The following FBRSL1 variants were observed in gnomAD, a reference collection of about 807,000 sequenced individuals.
The protein encoded by FBRSL1 is fibrosin-1-like protein.
Under a neutral mutation model 89.6 loss-of-function variants are expected in FBRSL1, and 51 were observed. The ratio of observed to expected loss-of-function variants is 0.57; its 90% CI spans 0.45 to 0.72. The LOEUF (loss-of-function observed/expected upper bound fraction) is 0.72. FBRSL1 is among the 30% of genes least tolerant of loss of function. FBRSL1 has a pLI of 0.00. For missense variants in FBRSL1, 1,618 were observed against 1,451.8 expected, an observed-to-expected ratio of 1.11 and a Z score of -1.86; for synonymous variants, 779 against 681.1, an observed-to-expected ratio of 1.14 and a Z score of -2.24.
rs569229245 is a variant in FBRSL1, at chr12:132,536,202, TAGTG to T, written c.615+8215_615+8218del. On this transcript the variant is annotated intron_variant, in intron 4 of 18. Coordinates refer to ENST00000680143, the MANE Select transcript of FBRSL1 (RefSeq NM_001367871.1). ...GGTGTGTGAGTGCACATGTACATGATAGTGTGTGTGAGTGCACGTGTAAAATGGT... is the reference window on the plus strand; with the variant it reads ...GGTGTGTGAGTGCACATGTACATGATTGTGTGAGTGCACGTGTAAAATGGT... Among the ~76,000 whole-genome samples, 325 of 145,296 alleles carry T rather than the reference TAGTG, an allele frequency of 2.2e-3. 3 individuals are homozygous for T. The highest frequency in any genetic ancestry group is 1.3e-3 in the East Asian group (6 of 4,706).
chr12:132,554,068 T>C (rs1161185279), intron 5 of FBRSL1: 1 of 152,260 alleles, frequency 6.6e-6, no homozygotes, highest in Non-Finnish European at 1.5e-5. Flanking sequence ...TAGGATGCAC[T>C]GGAAGCCCAG....
At chr12:132,545,104 G>T (rs1334062023) in intron 4 of FBRSL1, among the ~76,000 whole-genome samples, 1 of 152,098 alleles carries the variant, frequency 6.6e-6, no homozygotes, top group Non-Finnish European at 1.5e-5. Flanking sequence ...GCCTCGCCCA[G>T]TGTGGGGCAG....
chr12:132,526,969 TG>T (rs1388729276), intron 3 of FBRSL1, among the ~76,000 whole-genome samples: 5 of 152,066 alleles, frequency 3.3e-5, no homozygotes, highest in South Asian at 2.1e-4. Context: ...TCCAAGGGTG[TG>T]GGGGACCTCA....
intron 5 of FBRSL1, chr12:132,559,993 C>T (rs1345815649): frequency 1.4e-5 from 2 of 147,846 alleles, no homozygotes; most frequent in Non-Finnish European, 3.0e-5. Flanking sequence ...GCCTCGGGGC[C>T]CGCGCCGCGC....
chr12:132,558,950 G>A (rs543032179), intron 5 of FBRSL1, among the ~76,000 whole-genome samples: 6 of 152,382 alleles, frequency 3.9e-5, no homozygotes, highest in African/African-American at 1.4e-4. Flanking sequence ...CGACTGCCGG[G>A]TCCAGAGCTG....
chr12:132,507,975 A>G (rs1593273169), intron 1 of FBRSL1, among the ~76,000 whole-genome samples, 178 bp from the exon 2 acceptor site: 1 of 151,982 alleles, frequency 6.6e-6, no homozygotes. Context: ...GCAGCATCTC[A>G]CCTGCCATCG....
intron 5 of FBRSL1, 77 bp from the exon 6 acceptor site, chr12:132,567,404 T>C (rs1288590069): frequency 7.7e-6 from 11 of 1,420,040 alleles, no homozygotes; most frequent in Middle Eastern, 3.5e-4. Flanking sequence ...CCCAGACTTG[T>C]GTGTGGGCAT....
In FBRSL1 at chr12:132,581,434, C is replaced by T. The variant is rs565873192; in HGVS notation, c.1835-5C>T. On this transcript the variant is annotated splice_polypyrimidine_tract_variant and splice_region_variant and intron_variant, in intron 15 of 18. Coordinates refer to ENST00000680143, the MANE Select transcript of FBRSL1 (RefSeq NM_001367871.1). ...GCTTCTGTCAAACCTGGCTGCCCCC[C>T]CCAGGTGCCGCCCATCCTGCCTCCA... 1.2e-5 allele frequency: 18 copies of T among 1,550,982 alleles called. No individual in the cohort carries two copies. The South Asian group carries it at 1.3e-4, about 11-fold the overall frequency.
At chr12:132,520,216 CACCCTCCTTGCACCCTCCAGCA>C (rs2035230953) in intron 2 of FBRSL1, among the ~76,000 whole-genome samples, 1 of 151,150 alleles carries the variant, frequency 6.6e-6, no homozygotes, top group Non-Finnish European at 1.5e-5. Flanking sequence ...CCCTCCAGCA[CACCCTCCTTGCACCCTCCAGCA>C]ACCCTCCTTG....
rs2040997673 is a variant in FBRSL1, at chr12:132,584,387, T to C, written c.*609T>C. ...ACGAAACGTGTAAATAGTCTGTTGA[T>C]ATAAATATATGACGTTACTAAATTC... On this transcript the variant is annotated 3_prime_UTR_variant, in exon 19 of 19. Coordinates refer to ENST00000680143, the MANE Select transcript of FBRSL1 (RefSeq NM_001367871.1). The C allele has an allele frequency of 6.6e-6, 1 of 152,252 alleles. No homozygotes were observed. Among genetic ancestry groups the C allele is most frequent in the Admixed American group, 6.5e-5 (1 of 15,288 alleles). The allele number at this position is 152,252 out of a possible 1,614,324, so 9.4% of individuals were successfully genotyped here.
intron 4 of FBRSL1, among the ~76,000 whole-genome samples, chr12:132,530,718 G>T (rs1028966571): frequency 1.4e-5 from 2 of 143,500 alleles, no homozygotes; most frequent in Non-Finnish European, 3.1e-5. Flanking sequence ...CGGGGTGGGG[G>T]GTGGGGCTGG....
chr12:132,571,437 C>G, intron 9 of FBRSL1: 1 of 1,550,838 alleles, frequency 6.4e-7, no homozygotes, highest in Non-Finnish European at 8.7e-7. Context: ...CACACCAGCA[C>G]ACGCACCAAC....
intron 1 of FBRSL1, among the ~76,000 whole-genome samples, chr12:132,498,329 C>A (rs1391313332): frequency 1.3e-5 from 2 of 152,180 alleles, no homozygotes; most frequent in Non-Finnish European, 2.9e-5. Context: ...CCCACAGGCC[C>A]CCAGCCACCC....
intron 2 of FBRSL1, among the ~76,000 whole-genome samples, chr12:132,516,624 AG>A (rs773718645): frequency 1.3e-5 from 2 of 152,302 alleles, no homozygotes; most frequent in African/African-American, 2.4e-5. Context: ...TGATCGTACC[AG>A]GCACATTTCC....
chr12:132,558,525 TG>T (rs938046580), intron 5 of FBRSL1, among the ~76,000 whole-genome samples: 1 of 152,224 alleles, frequency 6.6e-6, no homozygotes, highest in Non-Finnish European at 1.5e-5. Flanking sequence ...AGCAGGGCTT[TG>T]GGGGCGACTT....
intron 2 of FBRSL1, among the ~76,000 whole-genome samples, chr12:132,516,092 G>A (rs1180138638): frequency 6.6e-6 from 1 of 151,994 alleles, no homozygotes; most frequent in Non-Finnish European, 1.5e-5. Context: ...AAGGTGAAAT[G>A]GGGACAATTT....
intron 14 of FBRSL1, among the ~76,000 whole-genome samples, chr12:132,574,928 T>G (rs2040280978): frequency 6.6e-6 from 1 of 151,986 alleles, no homozygotes; most frequent in Non-Finnish European, 1.5e-5. Context: ...GCTGTGTTCT[T>G]CGGTCTTCAG....
Position 132,509,883 on chromosome 12 carries a change from C to T in FBRSL1, c.489+1533C>T, listed in dbSNP as rs548515719. On this transcript the variant is annotated intron_variant, in intron 2 of 18. Transcript: ENST00000680143. The stretch of plus-strand genomic sequence containing the variant: ...ACCACGCCGACGGCCCGCCAGCTTC[C>T]TCCCAGGACAGTGCTGCTGCCCCCG... 19 of 1,231,536 alleles carry T rather than the reference C, an allele frequency of 1.5e-5. No individual in the cohort carries two copies. The African/African-American group carries it at 2.3e-4, about 15-fold the overall frequency. The allele number at this position is 1,231,536 out of a possible 1,614,324, so 76.3% of individuals were successfully genotyped here.
intron 1 of FBRSL1, among the ~76,000 whole-genome samples, chr12:132,507,677 C>T (rs1464606935): frequency 6.6e-6 from 1 of 152,160 alleles, no homozygotes; most frequent in African/African-American, 2.4e-5. Flanking sequence ...CTCAGGCCCT[C>T]TGGAATATGG....
Sources: gnomAD v4.1 joint callset for allele counts (sites outside exome capture counted in the v4.1 genomes callset) on GRCh38, gnomAD v4.1.1 for gene constraint, MANE v1.5 for transcripts, NCBI Gene and HGNC (gene_info 2026-07-23, HGNC 2026-07-21) for gene names.